Variants in MS4A8 observed in about 807,000 individuals in gnomAD.
MS4A8 encodes the protein membrane spanning 4-domains A8.
MS4A8 carries 27 observed loss-of-function variants against 23.7 expected under a neutral mutation model. The ratio of observed to expected loss-of-function variants is 1.14; its 90% CI spans 0.84 to 1.57. The LOEUF (loss-of-function observed/expected upper bound fraction) is 1.57. Ranked by LOEUF, MS4A8 falls within the 40% of genes most tolerant of loss-of-function variation. MS4A8 has a pLI of 0.00. For missense variants in MS4A8, 301 were observed against 311.4 expected, an observed-to-expected ratio of 0.97 and a Z score of 0.25; for synonymous variants, 138 against 126.3, an observed-to-expected ratio of 1.09 and a Z score of -0.62.
chr11:60,700,772 G>A, intron 1 of MS4A8, 88 bp from the exon 2 acceptor site: 1 of 1,273,224 alleles, frequency 7.9e-7, no homozygotes, highest in Non-Finnish European at 1.1e-6. Flanking sequence ...GGGTTAAGAT[G>A]CTCCAATGAG....
chr11:60,711,926 G>C (rs151067976), intron 5 of MS4A8: 11 of 448,426 alleles, frequency 2.5e-5, no homozygotes, highest in African/African-American at 4.0e-5. Context: ...ATGGAGGGTC[G>C]GACTGCATCT....
intron 5 of MS4A8, among the ~76,000 whole-genome samples, chr11:60,709,943 T>C (rs546461195): frequency 1.3e-5 from 2 of 152,298 alleles, no homozygotes; most frequent in South Asian, 2.1e-4. Context: ...GTGAGTCCAA[T>C]CCTCTTCTCT....
intron 5 of MS4A8, 83 bp downstream of exon 5, chr11:60,708,864 A>C: frequency 6.5e-7 from 1 of 1,528,622 alleles, no homozygotes. Flanking sequence ...TTGACAACCA[A>C]GCTACCTCAC....
intron 3 of MS4A8, 63 bp downstream of exon 3, chr11:60,703,563 C>A: frequency 6.3e-7 from 1 of 1,581,842 alleles, no homozygotes; most frequent in South Asian, 1.2e-5. Context: ...TCAAGGCCAC[C>A]TTGCCAAGTT....
chr11:60,707,138 C>G (rs2088262355), intron 4 of MS4A8, 91 bp downstream of exon 4: 1 of 1,200,468 alleles, frequency 8.3e-7, no homozygotes, highest in African/African-American at 1.5e-5. Flanking sequence ...GATTCCTCCC[C>G]CAGCCTTGCA....
chr11:60,709,211 G>A (rs938887246), intron 5 of MS4A8: 2 of 220,432 alleles, frequency 9.1e-6, no homozygotes, highest in African/African-American at 2.4e-5. Flanking sequence ...AGCAGCCACA[G>A]AAAGCACTAA....
rs574062772 is a variant in MS4A8, at chr11:60,706,888, C to T, written c.343-100C>T. 37 of 993,090 alleles carry T rather than the reference C, an allele frequency of 3.7e-5. No individual in the cohort carries two copies. In the South Asian group the frequency reaches 4.8e-4, roughly 13 times the overall value. 61.5% of individuals were successfully genotyped at this position (993,090 alleles called of 1,614,324 possible). A position where few individuals can be genotyped will look rare whatever the true frequency, so the allele number is the denominator to read the frequency against. ...TGTTGCCCATGTTGAGCTGATGGTT[C>T]CAGCAAAGGTACCCACTGTGTGTGA... On this transcript the variant is annotated intron_variant, in intron 3 of 6. Transcript: ENST00000300226.
Position 60,708,724 on chromosome 11 carries a change from T to C in MS4A8, c.477T>C (p.Asp159=), listed in dbSNP as rs189396902. 1 of 1,612,660 alleles carries C rather than the reference T, an allele frequency of 6.2e-7. No individual in the cohort carries two copies. The highest frequency in any genetic ancestry group is 1.3e-5 in the African/African-American group (1 of 74,904). The change falls in exon 5 of 7, where the codon GAT becomes GAC. Residue 159 remains aspartate, a synonymous_variant. Coordinates refer to ENST00000300226, the MANE Select transcript of MS4A8 (RefSeq NM_031457.2). ...TTGGAGTCATACTCTTCATCACAGA[T>C]CTAAGTATTCCCCACCCATATGCCT... ...SAVGVILFIT[D]LSIPHPYAYP...
chr11:60,708,628 T>A (rs751733321), intron 4 of MS4A8, 22 bp from the exon 5 acceptor site: 1 of 1,495,674 alleles, frequency 6.7e-7, no homozygotes. Flanking sequence ...TCGCCCATCC[T>A]GACCCTCTGT....
intron 1 of MS4A8, among the ~76,000 whole-genome samples, chr11:60,700,270 G>A (rs1410908632): frequency 2.6e-5 from 4 of 152,204 alleles, no homozygotes; most frequent in African/African-American, 4.8e-5. Flanking sequence ...GAGAGGCCGG[G>A]TGCGGTGGTT....
At position 60,707,040 on chromosome 11, in the gene MS4A8, AT is replaced by A; in HGVS notation, c.397del (p.Cys133AlafsTer9). The A allele has an allele frequency of 6.2e-7, 1 of 1,613,672 alleles. No individual in the cohort carries two copies. The highest frequency in any genetic ancestry group is 8.5e-7 in the Non-Finnish European group (1 of 1,179,612). On this transcript the variant is annotated frameshift_variant, in exon 4 of 7. Coordinates refer to ENST00000300226, the MANE Select transcript of MS4A8 (RefSeq NM_031457.2). LOFTEE classifies it high-confidence loss of function. Reference sequence around the variant, plus strand: ...GCAGCAGAAAATCAGCCATATTCTTATTGCCTGGTAAGTTACATTCTGAGAC... The same window carrying A: ...GCAGCAGAAAATCAGCCATATTCTTATGCCTGGTAAGTTACATTCTGAGAC... Reference protein sequence around the residue: ...SVAAENQPYSYCLLSGSLGLN... With the variant: ...SVAAENQPYSXCLLSGSLGLN...
Position 60,707,041 on chromosome 11 carries a change from T to C in MS4A8, c.396T>C (p.Tyr132=). The part of the protein sequence containing the change: ...SVAAENQPYS[Y]CLLSGSLGLN... ...CAGCAGAAAATCAGCCATATTCTTA[T>C]TGCCTGGTAAGTTACATTCTGAGAC... The change falls in exon 4 of 7, where the codon TAT becomes TAC. Residue 132 remains tyrosine, a synonymous_variant. Transcript: ENST00000300226. 1 of 1,613,738 alleles carries C rather than the reference T, an allele frequency of 6.2e-7. No homozygotes were observed. Among genetic ancestry groups the C allele is most frequent in the Non-Finnish European group, 8.5e-7 (1 of 1,179,626 alleles).
chr11:60,708,136 C>A (rs927904149), intron 4 of MS4A8, among the ~76,000 whole-genome samples: 1 of 152,160 alleles, frequency 6.6e-6, no homozygotes, highest in South Asian at 2.1e-4. Flanking sequence ...ATGTGAGCAT[C>A]CGCGTCCAGC....
In MS4A8 at chr11:60,703,505, G is replaced by A. The variant is rs761044055; in HGVS notation, c.342+5G>A. On this transcript the variant is annotated splice_donor_5th_base_variant and intron_variant, in intron 3 of 6. Transcript: ENST00000300226. ...CCCTTCTGGGGAGGCTTGTGGGTGAGTAACTCAAGTCCTCCTGCCGATGAG... is the reference window on the plus strand; with the variant it reads ...CCCTTCTGGGGAGGCTTGTGGGTGAATAACTCAAGTCCTCCTGCCGATGAG... 1.9e-6 allele frequency: 3 copies of A among 1,606,576 alleles called. No individual in the cohort carries two copies. Among genetic ancestry groups the A allele is most frequent in the Non-Finnish European group, 2.5e-6 (3 of 1,177,100 alleles).
In MS4A8 at chr11:60,708,743, T is replaced by A; in HGVS notation, c.496T>A (p.Tyr166Asn). ...FITDLSIPHPYAYPDYYPYAW... is the reference protein window; with the variant it reads ...FITDLSIPHPNAYPDYYPYAW... Reference sequence around the variant, plus strand: ...CACAGATCTAAGTATTCCCCACCCATATGCCTACCCCGACTATTATCCTTA... The same window carrying A: ...CACAGATCTAAGTATTCCCCACCCAAATGCCTACCCCGACTATTATCCTTA... The change falls in exon 5 of 7, where the codon TAT (tyrosine) becomes AAT (asparagine). Residue 166 changes from tyrosine (Y) to asparagine (N), a missense_variant. Coordinates refer to ENST00000300226, the MANE Select transcript of MS4A8 (RefSeq NM_031457.2). 1 of 1,613,824 alleles carries A rather than the reference T, an allele frequency of 6.2e-7. No homozygotes were observed.
chr11:60,708,199 G>A (rs1418051259), intron 4 of MS4A8, among the ~76,000 whole-genome samples: 2 of 152,098 alleles, frequency 1.3e-5, no homozygotes, highest in Non-Finnish European at 2.9e-5. Flanking sequence ...AATGAAGATA[G>A]TTACATGAAC....
chr11:60,713,022 C>T (rs1186129340), intron 5 of MS4A8, among the ~76,000 whole-genome samples: 6 of 152,108 alleles, frequency 3.9e-5, no homozygotes, highest in Non-Finnish European at 7.4e-5. Flanking sequence ...TCTATTTCTC[C>T]CGGTTACCTC....
intron 5 of MS4A8, among the ~76,000 whole-genome samples, chr11:60,711,453 C>T (rs1440242329): frequency 6.6e-6 from 1 of 152,166 alleles, no homozygotes; most frequent in Non-Finnish European, 1.5e-5. Flanking sequence ...TTATGGCTCC[C>T]AGATACTTTA....
chr11:60,713,226 C>T (rs970014924), intron 5 of MS4A8, among the ~76,000 whole-genome samples: 4 of 151,982 alleles, frequency 2.6e-5, no homozygotes, highest in African/African-American at 9.7e-5. Flanking sequence ...GGGTGTTTCT[C>T]GTTAGGTGGA....
Sources: gnomAD v4.1 joint callset for allele counts (sites outside exome capture counted in the v4.1 genomes callset) on GRCh38, gnomAD v4.1.1 for gene constraint, MANE v1.5 for transcripts, NCBI Gene and HGNC (gene_info 2026-07-23, HGNC 2026-07-21) for gene names.